The following NPEPPS variants were observed in gnomAD, a reference collection of about 807,000 sequenced individuals.
NPEPPS encodes the protein puromycin-sensitive aminopeptidase.
In NPEPPS, 14 loss-of-function variants were observed where a neutral mutation model predicts 115.5. That is an observed-to-expected ratio of 0.12 (90% confidence interval 0.08 to 0.19). The LOEUF (loss-of-function observed/expected upper bound fraction) is 0.19, where lower values mean the gene tolerates loss of function less well. NPEPPS is among the 10% of genes least tolerant of loss of function. The probability of loss-of-function intolerance (pLI) is 1.00; values close to 1 mark genes in which losing one functional copy is unlikely to be tolerated. For synonymous variants in NPEPPS, 285 were observed against 390.6 expected (o/e 0.73, Z 3.19); for missense variants, 523 against 1,110.8 (o/e 0.47, Z 7.52).
intron 2 of NPEPPS, among the ~76,000 whole-genome samples, chr17:47,553,546 A>G (rs1478007601): frequency 1.3e-5 from 2 of 152,172 alleles, no homozygotes; most frequent in African/African-American, 4.8e-5. Flanking sequence ...TATCTATGGC[A>G]GATGTGTTCT....
At chr17:47,537,895 CTT>C (rs924903403) in intron 1 of NPEPPS, among the ~76,000 whole-genome samples, 1 of 136,998 alleles carries the variant, frequency 7.3e-6, no homozygotes, top group African/African-American at 2.7e-5. Flanking sequence ...TTTTTTTTTT[CTT>C]TTTTTTTTCT....
At chr17:47,595,172 G>A (rs561629269) in intron 12 of NPEPPS, among the ~76,000 whole-genome samples, 44 of 151,706 alleles carry the variant, frequency 2.9e-4, no homozygotes, top group South Asian at 6.3e-4. Flanking sequence ...CTCAGGTGAC[G>A]TGCCCACCTC....
intron 20 of NPEPPS, among the ~76,000 whole-genome samples, chr17:47,618,708 G>A (rs1185404307): frequency 6.6e-6 from 1 of 152,146 alleles, no homozygotes; most frequent in African/African-American, 2.4e-5. Flanking sequence ...CTTGAAAACT[G>A]GGAAACTGGC....
At chr17:47,605,252 G>A (rs538922390) in intron 16 of NPEPPS, 81 bp from the exon 17 acceptor site, 196 of 957,496 alleles carry the variant, frequency 2.0e-4, no homozygotes, top group Non-Finnish European at 2.5e-4. Context: ...ATTGCTAGCA[G>A]TAGATAATGC....
intron 18 of NPEPPS, 61 bp downstream of exon 18, chr17:47,612,663 CTTTTTTT>C: frequency 9.2e-7 from 1 of 1,091,920 alleles, no homozygotes; most frequent in Non-Finnish European, 1.3e-6. Flanking sequence ...AAGCATGGAA[CTTTTTTT>C]TTTTTTTTTT....
intron 1 of NPEPPS, 28 bp downstream of exon 1, chr17:47,531,583 A>G (rs774856094): frequency 1.3e-6 from 2 of 1,574,608 alleles, no homozygotes; most frequent in South Asian, 1.2e-5. Context: ...CCCCGGGGCA[A>G]GCTGCGGGGC....
chr17:47,532,201 C>T (rs1211730420), intron 1 of NPEPPS, among the ~76,000 whole-genome samples: 1 of 152,138 alleles, frequency 6.6e-6, no homozygotes, highest in Non-Finnish European at 1.5e-5. Context: ...CTCCCCCTTT[C>T]CCTCAAGTGA....
At chr17:47,619,978 A>T in intron 22 of NPEPPS, 194 bp downstream of exon 22, 1 of 500,166 alleles carries the variant, frequency 2.0e-6, no homozygotes, top group Non-Finnish European at 3.6e-6. Context: ...CACATCTGTA[A>T]TCTCAGCACT....
intron 2 of NPEPPS, chr17:47,557,656 G>A (rs1170642334): frequency 6.7e-6 from 1 of 148,620 alleles, no homozygotes; most frequent in Non-Finnish European, 1.5e-5. Context: ...CACTTTTTTT[G>A]GTTTGTTTGT....
chr17:47,533,213 A>G (rs527643708), intron 1 of NPEPPS, among the ~76,000 whole-genome samples: 1 of 152,338 alleles, frequency 6.6e-6, no homozygotes, highest in East Asian at 1.9e-4. Flanking sequence ...TGTGAAAGCA[A>G]GAGGGCTCTA....
rs774265154 is a variant in NPEPPS, at chr17:47,621,754, T to C, written c.2608-14T>C. On this transcript the variant is annotated splice_polypyrimidine_tract_variant and intron_variant, in intron 22 of 22. Coordinates refer to ENST00000322157, the MANE Select transcript of NPEPPS (RefSeq NM_006310.4). ...GCTAGTAATGATCCTGCATTCTGGG[T>C]TGTTTTATACCAGGCTTTCTTCGAG... 5.6e-6 allele frequency: 9 copies of C among 1,594,190 alleles called. No individual in the cohort carries two copies. In the Admixed American group the frequency reaches 1.4e-4, roughly 24 times the overall value.
At chr17:47,611,746 T>C (rs1424844735) in intron 17 of NPEPPS, among the ~76,000 whole-genome samples, 2 of 152,204 alleles carry the variant, frequency 1.3e-5, no homozygotes, top group Non-Finnish European at 2.9e-5. Context: ...GTGCTGGGAT[T>C]ATAGGCATGA....
chr17:47,619,126 C>T lies in NPEPPS; in HGVS notation c.2521C>T (p.Arg841Ter). The change falls in exon 21 of 23, where the codon CGA (arginine) becomes TGA (stop). Residue 841 changes from arginine (R) to a stop codon, truncating the protein, a stop_gained. Coordinates refer to ENST00000322157, the MANE Select transcript of NPEPPS (RefSeq NM_006310.4). LOFTEE classifies it high-confidence loss of function. ...GGACAACTGGGAAGAACTTTATAAC[C>T]GATACCAGGGAGGATTCTTAATATC... Reference protein sequence around the residue: ...IKDNWEELYNRYQGGFLISRL... With the variant: ...IKDNWEELYN 2 of 1,613,760 alleles carry T rather than the reference C, an allele frequency of 1.2e-6. No homozygotes were observed. The highest frequency in any genetic ancestry group is 1.7e-6 in the Non-Finnish European group (2 of 1,179,798).
rs1428399926 is a variant in NPEPPS, at chr17:47,539,994, A to T, written c.256-5915A>T. ...TCAGGACATTGACAATCAGAAAAAA[A>T]CCCTCTTGAGTCTTACTATCTTACA... On this transcript the variant is annotated intron_variant, in intron 1 of 22. Coordinates refer to ENST00000322157, the MANE Select transcript of NPEPPS (RefSeq NM_006310.4). Among the ~76,000 whole-genome samples the T allele has an allele frequency of 2.6e-5, 4 of 152,144 alleles. No individual in the cohort carries two copies. The East Asian group carries it at 7.7e-4, about 29-fold the overall frequency.
chr17:47,570,841 G>A (rs1000988571), intron 3 of NPEPPS, among the ~76,000 whole-genome samples: 1 of 152,200 alleles, frequency 6.6e-6, no homozygotes, highest in African/African-American at 2.4e-5. Context: ...TGATATCGCT[G>A]GGGGAAGTAT....
intron 15 of NPEPPS, among the ~76,000 whole-genome samples, chr17:47,603,243 C>G (rs138748282): frequency 6.6e-6 from 1 of 152,006 alleles, no homozygotes; most frequent in Non-Finnish European, 1.5e-5. Context: ...GAAACCCTGT[C>G]TCTCCTAAAA....
Position 47,604,058 on chromosome 17 carries a change from C to A in NPEPPS, c.1875+9C>A. ...ATGACCTCTTCTCCTTGGTGAGCAT[C>A]TGTGACTTAAGTAATATGATGGATT... is the stretch of plus-strand genomic sequence containing the variant. On this transcript the variant is annotated intron_variant, in intron 16 of 22. Coordinates refer to ENST00000322157, the MANE Select transcript of NPEPPS (RefSeq NM_006310.4). 6.2e-7 allele frequency: 1 copy of A among 1,603,340 alleles called. No individual in the cohort carries two copies. Among genetic ancestry groups the A allele is most frequent in the Non-Finnish European group, 8.5e-7 (1 of 1,172,912 alleles).
chr17:47,573,711 C>T lies in NPEPPS; in HGVS notation c.418+4217C>T, dbSNP rs545170467. 1.1e-3 allele frequency among the ~76,000 whole-genome samples: 175 copies of T among 152,246 alleles called. 1 individual carries two copies. The highest frequency in any genetic ancestry group is 4.1e-3 in the African/African-American group (171 of 41,548). ...CTCGCGCCTGGGCGACAGAGCAAGA[C>T]TGTCTCAAAGAAAGGAAAAGAAAAA... On this transcript the variant is annotated intron_variant, in intron 3 of 22. Coordinates refer to ENST00000322157, the MANE Select transcript of NPEPPS (RefSeq NM_006310.4).
At chr17:47,538,182 C>T (rs1331521011) in intron 1 of NPEPPS, among the ~76,000 whole-genome samples, 3 of 142,338 alleles carry the variant, frequency 2.1e-5, no homozygotes, top group Non-Finnish European at 4.6e-5. Flanking sequence ...TGTGAGCCAC[C>T]GCGCCTAGCC....
Sources: gnomAD v4.1 joint callset for allele counts (sites outside exome capture counted in the v4.1 genomes callset) on GRCh38, gnomAD v4.1.1 for gene constraint, MANE v1.5 for transcripts, NCBI Gene and HGNC (gene_info 2026-07-23, HGNC 2026-07-21) for gene names.